DOCK2: variants seen among roughly 807,000 people sequenced by gnomAD.
DOCK2 encodes the protein dedicator of cytokinesis 2, also known as dedicator of cytokinesis protein 2.
Under a neutral mutation model 248.9 loss-of-function variants are expected in DOCK2, and 87 were observed. The observed-to-expected ratio is 0.35, with a 90% CI of 0.29 to 0.42. The LOEUF (loss-of-function observed/expected upper bound fraction) is 0.42, where lower values mean the gene tolerates loss of function less well. Ranked by LOEUF, DOCK2 falls within the 10% of genes least tolerant of loss-of-function variation. The probability of loss-of-function intolerance (pLI) is 1.00; values close to 1 mark genes in which losing one functional copy is unlikely to be tolerated. For missense variants in DOCK2, 1,747 were observed against 2,300.2 expected, an observed-to-expected ratio of 0.76 and a Z score of 4.92; for synonymous variants, 805 against 821.6, an observed-to-expected ratio of 0.98 and a Z score of 0.35.
At chr5:169,888,660 A>G (rs1488783216) in intron 27 of DOCK2, among the ~76,000 whole-genome samples, 1 of 152,214 alleles carries the variant, frequency 6.6e-6, no homozygotes, top group Non-Finnish European at 1.5e-5. Flanking sequence ...CTTAAGATCT[A>G]CGTAGATGAG....
At chr5:169,943,137 A>T (rs1378655429) in intron 27 of DOCK2, among the ~76,000 whole-genome samples, 2 of 152,214 alleles carry the variant, frequency 1.3e-5, no homozygotes, top group Non-Finnish European at 2.9e-5. Context: ...CCCCACACCC[A>T]GGCCATCAAT....
At chr5:169,965,012 C>T (rs1387079244) in intron 27 of DOCK2, among the ~76,000 whole-genome samples, 3 of 152,200 alleles carry the variant, frequency 2.0e-5, no homozygotes, top group Admixed American at 2.0e-4. Flanking sequence ...GTCTGATTCC[C>T]TTTTGAATCA....
chr5:169,780,325 GTGTGT>G (rs1561688233), intron 25 of DOCK2, among the ~76,000 whole-genome samples: 1 of 150,938 alleles, frequency 6.6e-6, no homozygotes, highest in Non-Finnish European at 1.5e-5. Context: ...GTGTGTGTGT[GTGTGT>G]GTGTGTGTGT....
chr5:169,857,394 A>G (rs1430308376), intron 27 of DOCK2, among the ~76,000 whole-genome samples: 2 of 152,200 alleles, frequency 1.3e-5, no homozygotes, highest in Non-Finnish European at 2.9e-5. Context: ...GGGTACTGGG[A>G]GCAAACATTA....
chr5:169,765,067 AGC>A (rs901187777), intron 25 of DOCK2, among the ~76,000 whole-genome samples: 101 of 52,632 alleles, frequency 1.9e-3, no homozygotes, highest in African/African-American at 0.01. Context: ...GGGCTCTTTT[AGC>A]GCACACACAC....
rs574298207 is a variant in DOCK2 at position 170,032,772 on chromosome 5, G to A, written c.3468-1627G>A. 3.9e-5 allele frequency among the ~76,000 whole-genome samples: 6 copies of A among 152,256 alleles called. No homozygotes were observed. In the East Asian group the frequency reaches 9.7e-4, roughly 25 times the overall value. ...TCTTATCACAGCCACAGTTTGAGAC[G>A]TCGCCTTCTTGCAGCTTGGCTTGGC... On this transcript the variant is annotated intron_variant, in intron 34 of 51. Transcript: ENST00000520908.
intron 27 of DOCK2, among the ~76,000 whole-genome samples, chr5:169,942,449 T>G (rs541458243): frequency 1.7e-3 from 253 of 152,352 alleles, no homozygotes; most frequent in Non-Finnish European, 2.7e-3. Context: ...CACTCGTCCA[T>G]GAGCCACACA....
At chr5:169,961,857 T>G (rs141255359) in intron 27 of DOCK2, among the ~76,000 whole-genome samples, 4,504 of 151,430 alleles carry the variant, frequency 0.03, 158 homozygotes, top group African/African-American at 0.08. Flanking sequence ...CAGGCACCTG[T>G]AATCCCAGCT....
chr5:169,641,096 A>G (rs1757121117), intron 1 of DOCK2, among the ~76,000 whole-genome samples: 1 of 152,080 alleles, frequency 6.6e-6, no homozygotes, highest in Non-Finnish European at 1.5e-5. Context: ...TGGTATTCTC[A>G]TTGTGTGCGT....
chr5:169,868,706 T>G (rs1253726001), intron 27 of DOCK2, among the ~76,000 whole-genome samples: 3 of 152,194 alleles, frequency 2.0e-5, no homozygotes, highest in Non-Finnish European at 4.4e-5. Context: ...TGCAATTAGC[T>G]ATGAGTGCAC....
At chr5:169,698,576 C>A in intron 11 of DOCK2, 127 bp downstream of exon 11, 1 of 988,212 alleles carries the variant, frequency 1.0e-6, no homozygotes, top group Non-Finnish European at 1.5e-6. Context: ...AAGGGAAGCT[C>A]AGGGTGAGAA....
At chr5:169,690,349 T>C (rs1760222662) in intron 9 of DOCK2, among the ~76,000 whole-genome samples, 1 of 152,202 alleles carries the variant, frequency 6.6e-6, no homozygotes. Context: ...ATTTGGGCAT[T>C]GACCAAACAG....
At chr5:169,867,346 T>A (rs533431812) in intron 27 of DOCK2, among the ~76,000 whole-genome samples, 21 of 152,282 alleles carry the variant, frequency 1.4e-4, no homozygotes, top group African/African-American at 4.8e-4. Flanking sequence ...CCCAACGTGA[T>A]AACAAAAGAT....
Position 170,082,889 on chromosome 5 carries a change from C to A in DOCK2, c.*31C>A. 1 of 1,613,912 alleles carries A rather than the reference C, an allele frequency of 6.2e-7. No individual in the cohort carries two copies. The highest frequency in any genetic ancestry group is 8.5e-7 in the Non-Finnish European group (1 of 1,179,892). The stretch of plus-strand genomic sequence containing the variant: ...TGCTGACTAGGGCTGCATGGGAGAG[C>A]CAGGGAGGGGAGTTTCTGGAAGAGG... On this transcript the variant is annotated 3_prime_UTR_variant, in exon 52 of 52. Coordinates refer to ENST00000520908, the MANE Select transcript of DOCK2 (RefSeq NM_004946.3).
chr5:169,662,130 C>G (rs1361106732), intron 2 of DOCK2, among the ~76,000 whole-genome samples: 1 of 152,126 alleles, frequency 6.6e-6, no homozygotes, highest in Non-Finnish European at 1.5e-5. Flanking sequence ...TTTGTTATCT[C>G]TTGACTTTTT....
intron 27 of DOCK2, among the ~76,000 whole-genome samples, chr5:169,966,682 T>C (rs1265948785): frequency 6.6e-6 from 1 of 152,110 alleles, no homozygotes; most frequent in Non-Finnish European, 1.5e-5. Context: ...GGACAGCAAG[T>C]GGCAGGACAG....
intron 1 of DOCK2, among the ~76,000 whole-genome samples, chr5:169,638,849 T>C (rs1220974058): frequency 3.3e-5 from 5 of 152,154 alleles, no homozygotes; most frequent in Admixed American, 1.3e-4. Flanking sequence ...TTGGAAGCAA[T>C]GGAGCGGGCC....
At chr5:169,979,741 G>A (rs1038031294) in intron 27 of DOCK2, among the ~76,000 whole-genome samples, 16 of 152,154 alleles carry the variant, frequency 1.1e-4, no homozygotes, top group Admixed American at 9.2e-4. Context: ...CAAAAGGCAC[G>A]CAACCGGGTT....
At chr5:169,924,814 G>A (rs1483730240) in intron 27 of DOCK2, among the ~76,000 whole-genome samples, 15 of 152,032 alleles carry the variant, frequency 9.9e-5, no homozygotes. Flanking sequence ...TCTTTGGCCT[G>A]GCACATGGGT....
Sources: gnomAD v4.1 joint callset for allele counts (sites outside exome capture counted in the v4.1 genomes callset) on GRCh38, gnomAD v4.1.1 for gene constraint, MANE v1.5 for transcripts, NCBI Gene and HGNC (gene_info 2026-07-23, HGNC 2026-07-21) for gene names.